Variants in PCDHGA9 observed in about 807,000 individuals in gnomAD.
PCDHGA9 encodes protocadherin gamma subfamily A, 9.
A neutral mutation model predicts 62.5 loss-of-function variants in PCDHGA9; 37 were observed. That is an observed-to-expected ratio of 0.59 (90% CI 0.46 to 0.78). The LOEUF (loss-of-function observed/expected upper bound fraction) is 0.78. Ranked by LOEUF, PCDHGA9 falls within the 30% of genes least tolerant of loss-of-function variation. The pLI is 0.00. For synonymous variants in PCDHGA9, 459 were observed against 484.6 expected, an observed-to-expected ratio of 0.95 and a Z score of 0.69; for missense variants, 1,138 against 1,166.2, an observed-to-expected ratio of 0.98 and a Z score of 0.35.
chr5:141,453,077 T>C (rs2098755487), intron 1 of PCDHGA9, among the ~76,000 whole-genome samples: 1 of 152,090 alleles, frequency 6.6e-6, no homozygotes, highest in African/African-American at 2.4e-5. Context: ...CACACTCTGG[T>C]TGATTAGTAT....
intron 3 of PCDHGA9, among the ~76,000 whole-genome samples, chr5:141,510,538 G>A (rs1423013528): frequency 1.3e-5 from 2 of 152,216 alleles, no homozygotes; most frequent in East Asian, 1.9e-4. Context: ...AAATACCAGC[G>A]AATGTGTTTT....
intron 1 of PCDHGA9, chr5:141,433,110 G>T (rs1031253372): frequency 1.2e-6 from 2 of 1,614,098 alleles, no homozygotes; most frequent in East Asian, 4.5e-5. Context: ...AGCCAGGAGA[G>T]CTTTGAAAAA....
In PCDHGA9 at chr5:141,477,825, C is replaced by A; in HGVS notation, c.2425-16982C>A. The A allele has an allele frequency of 2.5e-6, 4 of 1,614,174 alleles. No individual in the cohort carries two copies. The South Asian group carries it at 4.4e-5, about 18-fold the overall frequency. On this transcript the variant is annotated intron_variant, in intron 1 of 3. Transcript: ENST00000573521. This position sits in a 1 kb window ranked among gnomAD's most constrained non-coding sequence, Gnocchi z 4.9. ...GACAATGCCCCCCAGGTCCTATATC[C>A]TCGGCCAGGTGGGAGCTCGGTGGAG...
At chr5:141,471,046 C>CTTT (rs1170588345) in intron 1 of PCDHGA9, among the ~76,000 whole-genome samples, 3 of 113,252 alleles carry the variant, frequency 2.6e-5, no homozygotes, top group Non-Finnish European at 5.4e-5. Context: ...CCCAAGCCCT[C>CTTT]TTTTTTTTTT....
At chr5:141,449,658 C>T (rs1413506303) in intron 1 of PCDHGA9, among the ~76,000 whole-genome samples, 5 of 149,582 alleles carry the variant, frequency 3.3e-5, no homozygotes, top group Admixed American at 3.3e-4. Flanking sequence ...TTTACATACA[C>T]ACCCAAGTGT....
rs369206085 is a variant in PCDHGA9 at position 141,490,515 on chromosome 5, G to A, written c.2425-4292G>A. On this transcript the variant is annotated intron_variant, in intron 1 of 3. Transcript: ENST00000573521. The surrounding 1 kb of genome is among the most constrained non-coding windows in gnomAD (Gnocchi z 5.4). ...CATCCCACTATATCATCGAGCTGCT[G>A]GCCAGCGATGCTGGTTCACCTTCCC... The A allele has an allele frequency of 2.3e-5, 37 of 1,613,840 alleles. No individual in the cohort carries two copies. In the Middle Eastern group the frequency reaches 1.2e-3, roughly 50 times the overall value.
At chr5:141,410,636 T>G (rs1050547360) in intron 1 of PCDHGA9, 1 of 1,599,982 alleles carries the variant, frequency 6.3e-7, no homozygotes, top group Admixed American at 1.7e-5. Context: ...TTTCTCTTTT[T>G]TGTGTGTGAT....
rs138542775 is a variant in PCDHGA9, at chr5:141,491,313, C to T, written c.2425-3494C>T. ...ACCCTCCTGAGCGTTCAGACCTTAC[C>T]CTTTACCTCATTGTGGCTCTAGCGA... On this transcript the variant is annotated intron_variant, in intron 1 of 3. Transcript: ENST00000573521. This position sits in a 1 kb window ranked among gnomAD's most constrained non-coding sequence, Gnocchi z 6.9. 405 of 1,614,154 alleles carry T rather than the reference C, an allele frequency of 2.5e-4. 2 individuals are homozygous for T. In the African/African-American group the frequency reaches 4.5e-3, roughly 18 times the overall value.
At chr5:141,461,592 A>G (rs777372149) in intron 1 of PCDHGA9, among the ~76,000 whole-genome samples, 4 of 152,148 alleles carry the variant, frequency 2.6e-5, no homozygotes, top group African/African-American at 2.4e-5. Flanking sequence ...TTATATTTCC[A>G]TTATAATTTA....
chr5:141,423,482 A>G, intron 1 of PCDHGA9: 2 of 1,613,968 alleles, frequency 1.2e-6, no homozygotes, highest in African/African-American at 1.3e-5. Flanking sequence ...GCTTTCCTGC[A>G]AACCTATTCC....
chr5:141,476,926 T>G lies in PCDHGA9; in HGVS notation c.2425-17881T>G, dbSNP rs779017502. ...GCGTGGTACAAGTCCTTGCAACGGA[T>G]CTGGATGAAGGCCCCAACGGTGAAA... is the stretch of plus-strand genomic sequence containing the variant. On this transcript the variant is annotated intron_variant, in intron 1 of 3. Coordinates refer to ENST00000573521, the MANE Select transcript of PCDHGA9 (RefSeq NM_018921.3). The surrounding 1 kb of genome is among the most constrained non-coding windows in gnomAD (Gnocchi z 7.6). 1 of 1,614,072 alleles carries G rather than the reference T, an allele frequency of 6.2e-7. No homozygotes were observed. The highest frequency in any genetic ancestry group is 1.1e-5 in the South Asian group (1 of 91,092).
intron 1 of PCDHGA9, among the ~76,000 whole-genome samples, chr5:141,445,620 C>T (rs561235315): frequency 2.0e-5 from 3 of 151,966 alleles, no homozygotes; most frequent in African/African-American, 4.8e-5. Context: ...TTCTTTTTTT[C>T]GGAAAGTGAT....
chr5:141,431,709 T>C lies in PCDHGA9; in HGVS notation c.2424+26333T>C. On this transcript the variant is annotated intron_variant, in intron 1 of 3. Coordinates refer to ENST00000573521, the MANE Select transcript of PCDHGA9 (RefSeq NM_018921.3). This position sits in a 1 kb window ranked among gnomAD's most constrained non-coding sequence, Gnocchi z 4.8. ...CACGAGGAGTCAGGATTCTACCAGA[T>C]GGAAGTGCAAGCAATGGATAATGCA... The C allele has an allele frequency of 6.2e-7, 1 of 1,614,168 alleles. No individual in the cohort carries two copies. Among genetic ancestry groups the C allele is most frequent in the Non-Finnish European group, 8.5e-7 (1 of 1,180,018 alleles).
At position 141,485,892 on chromosome 5, in the gene PCDHGA9, C is replaced by T; in HGVS notation, c.2425-8915C>T. On this transcript the variant is annotated intron_variant, in intron 1 of 3. Coordinates refer to ENST00000573521, the MANE Select transcript of PCDHGA9 (RefSeq NM_018921.3). The surrounding 1 kb of genome is among the most constrained non-coding windows in gnomAD (Gnocchi z 5.7). ...GTGCTGGACGTAAACGACAACGCCC[C>T]AGCCTTCCAGCAATCCAGCTACAGG... is the stretch of plus-strand genomic sequence containing the variant. 6.2e-7 allele frequency: 1 copy of T among 1,614,194 alleles called. No individual in the cohort carries two copies.
chr5:141,421,505 G>A (rs745883683), intron 1 of PCDHGA9: 3 of 1,614,058 alleles, frequency 1.9e-6, no homozygotes, highest in South Asian at 1.1e-5. Context: ...AGGATAGACC[G>A]GGAGGAGCTC....
In PCDHGA9 at chr5:141,476,659, G is replaced by A; in HGVS notation, c.2425-18148G>A. On this transcript the variant is annotated intron_variant, in intron 1 of 3. Coordinates refer to ENST00000573521, the MANE Select transcript of PCDHGA9 (RefSeq NM_018921.3). The surrounding 1 kb of genome is among the most constrained non-coding windows in gnomAD (Gnocchi z 7.6). ...AGCTGAGCCGAAATGAATACTTTGC[G>A]CTTCGCGTGCAGACGCGGGAGGACA... 2 of 1,614,252 alleles carry A rather than the reference G, an allele frequency of 1.2e-6. No homozygotes were observed. Among genetic ancestry groups the A allele is most frequent in the Non-Finnish European group, 8.5e-7 (1 of 1,180,048 alleles).
chr5:141,454,917 C>T (rs1185153715), intron 1 of PCDHGA9, among the ~76,000 whole-genome samples: 1 of 149,330 alleles, frequency 6.7e-6, no homozygotes, highest in Non-Finnish European at 1.5e-5. Flanking sequence ...ACGCCATTCT[C>T]CTGCCTCAGC....
chr5:141,425,242 G>A (rs2096863400), intron 1 of PCDHGA9, among the ~76,000 whole-genome samples: 1 of 152,128 alleles, frequency 6.6e-6, no homozygotes, highest in South Asian at 2.1e-4. Context: ...TAAATAAAAA[G>A]GATATGAGGT....
At position 141,486,112 on chromosome 5, in the gene PCDHGA9, G is replaced by A; in HGVS notation, c.2425-8695G>A. ...TGGGGCCCCTAGACTTTGAGAGTGA[G>A]AATTACTATGAATTTGATGTGCGGG... On this transcript the variant is annotated intron_variant, in intron 1 of 3. Transcript: ENST00000573521. This position sits in a 1 kb window ranked among gnomAD's most constrained non-coding sequence, Gnocchi z 5.0. 1 of 1,614,166 alleles carries A rather than the reference G, an allele frequency of 6.2e-7. No homozygotes were observed. Among genetic ancestry groups the A allele is most frequent in the Non-Finnish European group, 8.5e-7 (1 of 1,180,024 alleles).
Sources: allele counts gnomAD v4.1 joint callset (sites outside exome capture counted in the v4.1 genomes callset), GRCh38; gene constraint gnomAD v4.1.1; non-coding constraint Gnocchi (gnomAD v3.1); transcripts MANE v1.5; gene names NCBI Gene and HGNC (gene_info 2026-07-23, HGNC 2026-07-21).